RTN3: variants seen among roughly 807,000 people sequenced by gnomAD.
RTN3 encodes reticulon 3, also known as reticulon-3.
A neutral mutation model predicts 77.8 loss-of-function variants in RTN3; 49 were observed. That is an observed-to-expected ratio of 0.63 (90% CI 0.50 to 0.80). RTN3 has a LOEUF of 0.80. Among genes scored for constraint, RTN3 ranks in the 30% least tolerant of loss-of-function variants. RTN3 has a pLI of 0.00. For missense variants in RTN3, 1,236 were observed against 1,211.9 expected, an observed-to-expected ratio of 1.02 and a Z score of -0.29; for synonymous variants, 464 against 446.9, an observed-to-expected ratio of 1.04 and a Z score of -0.48.
intron 1 of RTN3, chr11:63,698,692 T>C (rs763182007): frequency 1.7e-5 from 3 of 178,030 alleles, no homozygotes; most frequent in Non-Finnish European, 2.7e-5. Context: ...TACTGTCTTG[T>C]ACATGAGGCA....
intron 3 of RTN3, among the ~76,000 whole-genome samples, chr11:63,734,343 A>T (rs921108864): frequency 6.6e-6 from 1 of 152,028 alleles, no homozygotes; most frequent in African/African-American, 2.4e-5. Context: ...AGTACTCAGG[A>T]GGCTGAGGCA....
intron 6 of RTN3, 68 bp downstream of exon 6, chr11:63,753,206 GC>G: frequency 7.0e-7 from 1 of 1,426,310 alleles, no homozygotes; most frequent in Non-Finnish European, 9.9e-7. Flanking sequence ...TGAAGAGAAA[GC>G]CCAGCATGGC....
chr11:63,743,694 C>G (rs2013620813), intron 3 of RTN3, among the ~76,000 whole-genome samples: 1 of 152,200 alleles, frequency 6.6e-6, no homozygotes, highest in East Asian at 1.9e-4. Context: ...GCGGGCGGAT[C>G]ATCTGAGGTC....
At position 63,718,876 on chromosome 11, in the gene RTN3, T is replaced by G. The variant is rs1346472551; in HGVS notation, c.374T>G (p.Leu125Arg). 4 of 1,613,880 alleles carry G rather than the reference T, an allele frequency of 2.5e-6. No homozygotes were observed. Among genetic ancestry groups the G allele is most frequent in the Non-Finnish European group, 3.4e-6 (4 of 1,180,022 alleles). ...GAAGGAAAAGACCACTTGGATCTTC[T>G]AGATATGAAAAAGATGGAAAAGCCT... ...AKEGKDHLDL[L>R]DMKKMEKPQG... Residue 125 changes from leucine (L) to arginine (R), a missense_variant, in exon 3 of 9, where the codon CTA becomes CGA. This residue lies in a region of RTN3 where 1,056 missense variants were observed against 990.4 expected (regional missense o/e 1.07). Transcript: ENST00000377819.
intron 1 of RTN3, among the ~76,000 whole-genome samples, chr11:63,690,886 C>G (rs746040925): frequency 1.3e-5 from 2 of 152,144 alleles, no homozygotes; most frequent in Non-Finnish European, 2.9e-5. Flanking sequence ...GCTTTTCATC[C>G]TCTGTCTCCA....
intron 1 of RTN3, among the ~76,000 whole-genome samples, chr11:63,691,578 TTCTTCTCACAG>T (rs1175747743): frequency 6.6e-6 from 1 of 152,118 alleles, no homozygotes; most frequent in Non-Finnish European, 1.5e-5. Flanking sequence ...TTTAAGTTCG[TTCTTCTCACAG>T]TCTTCTCAAT....
rs61663789 is a variant in RTN3 at position 63,684,129 on chromosome 11, GTTTT to G, written c.142+2373_142+2376del. 1.3e-3 allele frequency among the ~76,000 whole-genome samples: 107 copies of G among 85,250 alleles called. 2 individuals carry two copies. Among genetic ancestry groups the G allele is most frequent in the South Asian group, 2.2e-3 (5 of 2,242 alleles). 55.9% of individuals were successfully genotyped at this position (85,250 alleles called of 152,430 possible). A position where few individuals can be genotyped will look rare whatever the true frequency, so the allele number is the denominator to read the frequency against. On this transcript the variant is annotated intron_variant, in intron 1 of 8. Coordinates refer to ENST00000377819, the MANE Select transcript of RTN3 (RefSeq NM_001265589.2). The stretch of plus-strand genomic sequence containing the variant: ...ACCACGCGTGGTTAATTTTCTTTTG[GTTTT>G]TTTTTTTTTTTTTTTTTTTTTGGTT...
At chr11:63,710,281 T>C (rs1345595217) in intron 2 of RTN3, among the ~76,000 whole-genome samples, 2 of 152,190 alleles carry the variant, frequency 1.3e-5, no homozygotes, top group African/African-American at 4.8e-5. Context: ...TCTTCCCGCC[T>C]CAGCCTCCTG....
chr11:63,738,238 C>G (rs1412809490), intron 3 of RTN3, among the ~76,000 whole-genome samples: 4 of 150,762 alleles, frequency 2.7e-5, no homozygotes, highest in Non-Finnish European at 5.9e-5. Context: ...CTTTTTTTTC[C>G]TTTTAGTTAT....
chr11:63,717,160 T>C (rs2011463920), intron 2 of RTN3, among the ~76,000 whole-genome samples: 1 of 151,786 alleles, frequency 6.6e-6, no homozygotes, highest in African/African-American at 2.4e-5. Flanking sequence ...GGAGACCCTC[T>C]CTCAAATACA....
intron 4 of RTN3, among the ~76,000 whole-genome samples, chr11:63,751,258 C>A (rs1263776645): frequency 6.6e-6 from 1 of 152,204 alleles, no homozygotes; most frequent in Non-Finnish European, 1.5e-5. Context: ...TTTAATCCCC[C>A]ACATAGGTAA....
chr11:63,751,043 A>G (rs2014078623), intron 4 of RTN3, among the ~76,000 whole-genome samples: 1 of 151,884 alleles, frequency 6.6e-6, no homozygotes, highest in Non-Finnish European at 1.5e-5. Flanking sequence ...TAATGTTTGT[A>G]TTTTTAGTAG....
At chr11:63,726,645 G>A (rs994078067) in intron 3 of RTN3, among the ~76,000 whole-genome samples, 6 of 152,086 alleles carry the variant, frequency 3.9e-5, no homozygotes, top group African/African-American at 1.2e-4. Context: ...GGTGGATCAC[G>A]AGATCAGGAG....
At position 63,759,185 on chromosome 11, in the gene RTN3, A is replaced by G. The variant is rs2014540527; in HGVS notation, c.*984A>G. On this transcript the variant is annotated 3_prime_UTR_variant, in exon 9 of 9. Coordinates refer to ENST00000377819, the MANE Select transcript of RTN3 (RefSeq NM_001265589.2). ...GGAACATTCTCAAGAGGTGAAATAC[A>G]GAAAGCCTTTTTTTCTTGATCTTTT... 6.6e-6 allele frequency: 1 copy of G among 152,210 alleles called. No individual in the cohort carries two copies. Among genetic ancestry groups the G allele is most frequent in the Non-Finnish European group, 1.5e-5 (1 of 68,036 alleles). The allele number at this position is 152,210 out of a possible 1,614,324, so 9.4% of individuals were successfully genotyped here.
In RTN3 at chr11:63,719,487, G is replaced by T. The variant is rs924037416; in HGVS notation, c.985G>T (p.Val329Leu). 6.2e-7 allele frequency: 1 copy of T among 1,614,126 alleles called. No homozygotes were observed. Among genetic ancestry groups the T allele is most frequent in the Admixed American group, 1.7e-5 (1 of 60,006 alleles). The change falls in exon 3 of 9, where the codon GTG becomes TTG. Residue 329 changes from valine (V) to leucine (L), a missense_variant. By Grantham distance (32) the Val-to-Leu change is conservative. Transcript: ENST00000377819. ...AGCACTGGAAGAGGTGTCCAGATGC[G>T]TGAATGATATGCATAACTTTACTAA... ...NAALEEVSRCVNDMHNFTNEI... is the reference protein window; with the variant it reads ...NAALEEVSRCLNDMHNFTNEI...
intron 3 of RTN3, among the ~76,000 whole-genome samples, chr11:63,731,801 C>T (rs553727201): frequency 1.7e-4 from 26 of 152,124 alleles, no homozygotes; most frequent in Non-Finnish European, 3.4e-4. Flanking sequence ...TACAGGCGTG[C>T]GCCACTACAC....
Position 63,718,700 on chromosome 11 carries a change from AGAGGGATT to A in RTN3, c.202_209del (p.Gly68LeufsTer5). 6.4e-7 allele frequency: 1 copy of A among 1,558,922 alleles called. No individual in the cohort carries two copies. Among genetic ancestry groups the A allele is most frequent in the Non-Finnish European group, 8.6e-7 (1 of 1,158,516 alleles). ...TTTTTTTCTTTGAAATTCTGATCAT[AGAGGGATT>A]GAGCTCTCTTTGCTCTGATGAGCCA... is the stretch of plus-strand genomic sequence containing the variant. On this transcript the variant is annotated splice_acceptor_variant and coding_sequence_variant, in exon 3 of 9. Transcript: ENST00000377819. LOFTEE classifies it high-confidence loss of function.
Position 63,758,147 on chromosome 11 carries a change from T to G in RTN3, c.3054-9T>G. On this transcript the variant is annotated splice_polypyrimidine_tract_variant and intron_variant, in intron 8 of 8. Coordinates refer to ENST00000377819, the MANE Select transcript of RTN3 (RefSeq NM_001265589.2). ...ACTTTCTTTCTTTTTCCCCTCCTTT[T>G]CTCAATAGGATCCAAGCAAAACTCC... is the stretch of plus-strand genomic sequence containing the variant. 1 of 1,568,476 alleles carries G rather than the reference T, an allele frequency of 6.4e-7. No homozygotes were observed. Among genetic ancestry groups the G allele is most frequent in the Middle Eastern group, 1.7e-4 (1 of 5,890 alleles).
intron 3 of RTN3, among the ~76,000 whole-genome samples, chr11:63,748,729 G>A (rs1264332062): frequency 1.4e-5 from 2 of 144,770 alleles, no homozygotes; most frequent in African/African-American, 5.2e-5. Flanking sequence ...ATGCAATGGC[G>A]CGATCTCGGC....
Sources: gnomAD v4.1 joint callset for allele counts (sites outside exome capture counted in the v4.1 genomes callset) on GRCh38, gnomAD v4.1.1 for gene constraint, gnomAD v4.1.1 regional missense constraint, MANE v1.5 for transcripts, NCBI Gene and HGNC (gene_info 2026-07-23, HGNC 2026-07-21) for gene names.